The following SSBP3 variants were observed in gnomAD, a reference collection of about 807,000 sequenced individuals.
SSBP3 encodes single-stranded DNA-binding protein 3.
Under a neutral mutation model 69.6 loss-of-function variants are expected in SSBP3, and 5 were observed. The ratio of observed to expected loss-of-function variants is 0.07; its 90% CI spans 0.04 to 0.15. The LOEUF is 0.15. Among genes scored for constraint, SSBP3 ranks in the 10% least tolerant of loss-of-function variants. SSBP3 has a pLI of 1.00. For synonymous variants in SSBP3, 196 were observed against 193.4 expected, an observed-to-expected ratio of 1.01 and a Z score of -0.11; for missense variants, 312 against 534.0, an observed-to-expected ratio of 0.58 and a Z score of 4.10.
intron 4 of SSBP3, among the ~76,000 whole-genome samples, chr1:54,374,832 G>A (rs1400568158): frequency 6.6e-6 from 1 of 152,204 alleles, no homozygotes; most frequent in Non-Finnish European, 1.5e-5. Flanking sequence ...TCCAGAGCAT[G>A]AACTTGCTTA....
At chr1:54,346,563 C>A (rs1646694156) in intron 4 of SSBP3, among the ~76,000 whole-genome samples, 1 of 152,010 alleles carries the variant, frequency 6.6e-6, no homozygotes, top group South Asian at 2.1e-4. Context: ...ACCTGTAATC[C>A]CAACACTTTG....
chr1:54,298,344 T>C (rs1157484719), intron 4 of SSBP3, among the ~76,000 whole-genome samples: 2 of 152,052 alleles, frequency 1.3e-5, no homozygotes, highest in Admixed American at 1.3e-4. Flanking sequence ...AGGGGCACAC[T>C]GACGAGGGGG....
At chr1:54,333,241 T>C (rs1322990333) in intron 4 of SSBP3, among the ~76,000 whole-genome samples, 1 of 152,170 alleles carries the variant, frequency 6.6e-6, no homozygotes, top group African/African-American at 2.4e-5. Context: ...CATAACCTCA[T>C]AGACTCTCGG....
chr1:54,298,623 A>C (rs1645743073), intron 4 of SSBP3, among the ~76,000 whole-genome samples: 1 of 152,282 alleles, frequency 6.6e-6, no homozygotes, highest in African/African-American at 2.4e-5. Flanking sequence ...TCAGATGGAA[A>C]GGAGGCAGCA....
chr1:54,322,931 G>A (rs572709617), intron 4 of SSBP3, among the ~76,000 whole-genome samples: 37 of 152,322 alleles, frequency 2.4e-4, no homozygotes, highest in East Asian at 1.2e-3. Flanking sequence ...ATAAAAAGCC[G>A]TAATTGTCCC....
At chr1:54,374,060 T>C (rs1176410811) in intron 4 of SSBP3, among the ~76,000 whole-genome samples, 1 of 151,690 alleles carries the variant, frequency 6.6e-6, no homozygotes, top group Admixed American at 6.6e-5. Context: ...TGGGAAGAGG[T>C]GACTAAAGGG....
intron 5 of SSBP3, among the ~76,000 whole-genome samples, chr1:54,269,843 T>C (rs1645163330): frequency 6.6e-6 from 1 of 152,144 alleles, no homozygotes; most frequent in South Asian, 2.1e-4. Flanking sequence ...ACTTCATTCT[T>C]CTAATGAAGG....
At chr1:54,406,053 G>GCCGCCA (rs1557600115) in exon 1 of SSBP3, 6 of 1,421,068 alleles carry the variant, frequency 4.2e-6, no homozygotes, top group Non-Finnish European at 5.6e-6. Flanking sequence ...CGCCGCCGCC[G>GCCGCCA]CCGCCGCTAC....
intron 14 of SSBP3, among the ~76,000 whole-genome samples, chr1:54,229,749 G>T (rs1644350416): frequency 1.3e-5 from 2 of 152,178 alleles, no homozygotes; most frequent in Non-Finnish European, 2.9e-5. Context: ...GCATCGAGTG[G>T]GAAGGGAGTG....
chr1:54,336,917 A>T (rs2100494067), intron 4 of SSBP3, among the ~76,000 whole-genome samples: 1 of 152,224 alleles, frequency 6.6e-6, no homozygotes, highest in South Asian at 2.1e-4. Context: ...CTTCCTCAAC[A>T]TCATGCCCAG....
chr1:54,400,232 G>A (rs969820048), intron 4 of SSBP3, among the ~76,000 whole-genome samples: 3 of 152,148 alleles, frequency 2.0e-5, no homozygotes, highest in Non-Finnish European at 2.9e-5. Context: ...TTCTCTGAAA[G>A]GTACAGGCAA....
At chr1:54,309,977 G>A (rs753115944) in intron 4 of SSBP3, among the ~76,000 whole-genome samples, 69 of 152,262 alleles carry the variant, frequency 4.5e-4, no homozygotes, top group African/African-American at 1.6e-3. Context: ...AACAAAAGGC[G>A]AGACACAGCA....
chr1:54,318,157 T>G (rs1394125039), intron 4 of SSBP3, among the ~76,000 whole-genome samples: 4 of 152,058 alleles, frequency 2.6e-5, no homozygotes, highest in African/African-American at 9.7e-5. Context: ...CCAAGGCAAA[T>G]GAACATGGTT....
intron 7 of SSBP3, among the ~76,000 whole-genome samples, chr1:54,254,181 G>A (rs1389625780): frequency 6.6e-6 from 1 of 152,240 alleles, no homozygotes; most frequent in African/African-American, 2.4e-5. Context: ...GGAGCGAGTT[G>A]CTCTGGGGCT....
At chr1:54,375,732 C>G (rs1416574309) in intron 4 of SSBP3, among the ~76,000 whole-genome samples, 2 of 152,224 alleles carry the variant, frequency 1.3e-5, no homozygotes, top group Non-Finnish European at 2.9e-5. Flanking sequence ...AAAGTAACAG[C>G]CTTTAAAGGG....
intron 5 of SSBP3, among the ~76,000 whole-genome samples, chr1:54,277,916 G>T (rs78540431): frequency 1.3e-4 from 20 of 152,104 alleles, no homozygotes; most frequent in Admixed American, 1.3e-3. Flanking sequence ...CAGCCCAACC[G>T]AGCTAAGCTG....
intron 4 of SSBP3, among the ~76,000 whole-genome samples, chr1:54,376,484 C>CA (rs1333135326): frequency 6.6e-6 from 1 of 152,202 alleles, no homozygotes; most frequent in Non-Finnish European, 1.5e-5. Flanking sequence ...GCTCTGACTT[C>CA]ATTTTGCTAA....
At chr1:54,375,237 T>C (rs1302274183) in intron 4 of SSBP3, among the ~76,000 whole-genome samples, 1 of 152,106 alleles carries the variant, frequency 6.6e-6, no homozygotes, top group Non-Finnish European at 1.5e-5. Flanking sequence ...GTCACCACCA[T>C]GGGACTGACA....
chr1:54,364,454 G>A (rs998820915), intron 4 of SSBP3, among the ~76,000 whole-genome samples: 1 of 152,202 alleles, frequency 6.6e-6, no homozygotes, highest in Non-Finnish European at 1.5e-5. Flanking sequence ...CTGCTAGAAG[G>A]ACTGAGGTCC....
Sources: gnomAD v4.1 joint callset for allele counts (sites outside exome capture counted in the v4.1 genomes callset) on GRCh38, gnomAD v4.1.1 for gene constraint, MANE v1.5 for transcripts, NCBI Gene and HGNC (gene_info 2026-07-23, HGNC 2026-07-21) for gene names.